VGLL4: variants seen among roughly 807,000 people sequenced by gnomAD.
The protein encoded by VGLL4 is vestigial like family member 4.
In VGLL4, 7 loss-of-function variants were observed where a neutral mutation model predicts 21.0. The observed-to-expected ratio is 0.33, with a 90% CI of 0.19 to 0.63. The LOEUF (loss-of-function observed/expected upper bound fraction) is 0.63. Ranked by LOEUF, VGLL4 falls within the 20% of genes least tolerant of loss-of-function variation. VGLL4 has a pLI of 0.78. For missense variants in VGLL4, 394 were observed against 425.7 expected, an observed-to-expected ratio of 0.93 and a Z score of 0.66; for synonymous variants, 222 against 173.2, an observed-to-expected ratio of 1.28 and a Z score of -2.21.
At chr3:11,705,408 T>C (rs1359115931) in intron 1 of VGLL4, among the ~76,000 whole-genome samples, 1 of 151,868 alleles carries the variant, frequency 6.6e-6, no homozygotes. Flanking sequence ...AGACTAAGAG[T>C]GGCAGGGAGG....
intron 1 of VGLL4, among the ~76,000 whole-genome samples, chr3:11,602,716 A>AG (rs2074837052): frequency 6.6e-6 from 1 of 152,212 alleles, no homozygotes; most frequent in Non-Finnish European, 1.5e-5. Context: ...CAATCAAATT[A>AG]GGGTCCACAT....
intron 2 of VGLL4, among the ~76,000 whole-genome samples, chr3:11,595,079 G>A (rs1248479841): frequency 6.6e-6 from 1 of 152,100 alleles, no homozygotes; most frequent in Non-Finnish European, 1.5e-5. Flanking sequence ...GAGAATCGCT[G>A]GAACCCAGGA....
At chr3:11,664,985 A>G (rs2076095192) in intron 2 of VGLL4, among the ~76,000 whole-genome samples, 1 of 151,852 alleles carries the variant, frequency 6.6e-6, no homozygotes, top group Non-Finnish European at 1.5e-5. Context: ...GGAGTGCAGC[A>G]GCAACTACTA....
At chr3:11,564,749 C>T (rs1307018832) in intron 3 of VGLL4, 48 bp downstream of exon 3, 3 of 1,510,966 alleles carry the variant, frequency 2.0e-6, no homozygotes, top group South Asian at 1.2e-5. Context: ...CCAGCCCAGT[C>T]CCCCAGCCCC....
chr3:11,650,096 T>C (rs1441529268), intron 2 of VGLL4, among the ~76,000 whole-genome samples: 2 of 150,980 alleles, frequency 1.3e-5, no homozygotes, highest in Non-Finnish European at 3.0e-5. Flanking sequence ...CTGGCTAACT[T>C]TTTTTTTTAA....
chr3:11,690,277 T>C (rs112408744), intron 2 of VGLL4, among the ~76,000 whole-genome samples: 164 of 152,320 alleles, frequency 1.1e-3, no homozygotes, highest in Middle Eastern at 3.4e-3. Context: ...TTTAGTTTAA[T>C]AGAGGTAGGC....
At chr3:11,708,315 A>C (rs1422647655) in intron 1 of VGLL4, among the ~76,000 whole-genome samples, 2 of 152,256 alleles carry the variant, frequency 1.3e-5, no homozygotes, top group Non-Finnish European at 2.9e-5. Context: ...GTCTGGGAAG[A>C]TTTCGCTGAA....
At chr3:11,597,831 A>C (rs1017004104) in intron 2 of VGLL4, among the ~76,000 whole-genome samples, 6 of 152,212 alleles carry the variant, frequency 3.9e-5, no homozygotes, top group African/African-American at 1.4e-4. Flanking sequence ...AGCAGGACCC[A>C]GACCAAACCC....
chr3:11,671,227 T>C (rs759215910), intron 2 of VGLL4: 2 of 1,561,626 alleles, frequency 1.3e-6, no homozygotes, highest in Non-Finnish European at 1.7e-6. Flanking sequence ...GAAATGTCAA[T>C]TAAGAAAATG....
intron 2 of VGLL4, among the ~76,000 whole-genome samples, chr3:11,652,484 ATGTCTGCTCACTGGCAAC>A (rs2125343604): frequency 6.6e-6 from 1 of 152,214 alleles, no homozygotes; most frequent in Admixed American, 6.5e-5. Context: ...CAGTGGCGCG[ATGTCTGCTCACTGGCAAC>A]TTCTGCCCCC....
chr3:11,694,263 T>C (rs1362261973), intron 2 of VGLL4, among the ~76,000 whole-genome samples: 1 of 152,238 alleles, frequency 6.6e-6, no homozygotes, highest in Non-Finnish European at 1.5e-5. Flanking sequence ...ATCAGATGGC[T>C]AGGTGCTATG....
intron 2 of VGLL4, among the ~76,000 whole-genome samples, chr3:11,679,632 G>T (rs1450066304): frequency 6.6e-6 from 1 of 152,054 alleles, no homozygotes; most frequent in Non-Finnish European, 1.5e-5. Context: ...GCAGTGAGCC[G>T]AGATTGCACC....
At chr3:11,601,797 G>A in intron 2 of VGLL4, 36 bp downstream of exon 2, 1 of 1,609,286 alleles carries the variant, frequency 6.2e-7, no homozygotes, top group Non-Finnish European at 8.5e-7. Flanking sequence ...CCAGCACGGA[G>A]CACCCTTAAG....
chr3:11,642,164 A>C (rs1171718553), intron 1 of VGLL4, among the ~76,000 whole-genome samples: 1 of 152,220 alleles, frequency 6.6e-6, no homozygotes, highest in African/African-American at 2.4e-5. Flanking sequence ...GTTACTTAAC[A>C]CATCAGATGC....
chr3:11,631,430 GT>G (rs1405987429), intron 1 of VGLL4, among the ~76,000 whole-genome samples: 1 of 152,068 alleles, frequency 6.6e-6, no homozygotes, highest in Non-Finnish European at 1.5e-5. Flanking sequence ...ACAAATCTGA[GT>G]TTTTTGTCCT....
At chr3:11,638,272 G>A (rs530824889) in intron 1 of VGLL4, among the ~76,000 whole-genome samples, 8 of 152,160 alleles carry the variant, frequency 5.3e-5, no homozygotes, top group Non-Finnish European at 1.2e-4. Flanking sequence ...GGGAACGGAG[G>A]AAGGAGGGAG....
intron 3 of VGLL4, among the ~76,000 whole-genome samples, chr3:11,563,475 C>G (rs1159525574): frequency 6.6e-6 from 1 of 152,186 alleles, no homozygotes; most frequent in Non-Finnish European, 1.5e-5. Context: ...CAGCACAATC[C>G]TCTCTTCTCA....
chr3:11,694,697 T>C (rs549001281), intron 2 of VGLL4, among the ~76,000 whole-genome samples: 2 of 152,152 alleles, frequency 1.3e-5, no homozygotes, highest in East Asian at 3.9e-4. Context: ...AGTCAAATTA[T>C]GTCACCACAA....
In VGLL4 at chr3:11,564,993, C is replaced by T. The variant is rs112232182; in HGVS notation, c.299G>A (p.Arg100His). 8 of 1,512,074 alleles carry T rather than the reference C, an allele frequency of 5.3e-6. No individual in the cohort carries two copies. The highest frequency in any genetic ancestry group is 2.8e-5 in the African/African-American group (2 of 70,310). The allele number at this position is 1,512,074 out of a possible 1,614,324, so 93.7% of individuals were successfully genotyped here. The change falls in exon 3 of 5, where the codon CGC becomes CAC. Residue 100 changes from arginine to histidine, a missense_variant. Coordinates refer to ENST00000430365, the MANE Select transcript of VGLL4 (RefSeq NM_001128219.3). ...HLNKTANGDC[R>H]RDPRERSRSP... is the part of the protein sequence containing the mutation. Reference sequence around the variant, plus strand: ...GCGGCTCCGCTCCCGGGGGTCTCTGCGGCAGTCTCCATTGGCAGTCTTGTT... The same window carrying T: ...GCGGCTCCGCTCCCGGGGGTCTCTGTGGCAGTCTCCATTGGCAGTCTTGTT...
Sources: gnomAD v4.1 joint callset for allele counts (sites outside exome capture counted in the v4.1 genomes callset) on GRCh38, gnomAD v4.1.1 for gene constraint, MANE v1.5 for transcripts, NCBI Gene and HGNC (gene_info 2026-07-23, HGNC 2026-07-21) for gene names.